The following TMEM265 variants were observed in gnomAD, a reference collection of about 807,000 sequenced individuals.
The protein encoded by TMEM265 is transmembrane protein 265.
In TMEM265, 8 loss-of-function variants were observed where a neutral mutation model predicts 9.5. The observed-to-expected ratio is 0.84, with a 90% CI of 0.49 to 1.52. The LOEUF (loss-of-function observed/expected upper bound fraction) is 1.52. TMEM265 is among the 40% of genes most tolerant of loss of function. TMEM265 has a pLI of 0.00. For missense variants in TMEM265, 152 were observed against 146.2 expected, an observed-to-expected ratio of 1.04 and a Z score of -0.21; for synonymous variants, 53 against 56.9, an observed-to-expected ratio of 0.93 and a Z score of 0.31.
intron 2 of TMEM265, 151 bp from the exon 3 acceptor site, chr16:30,743,631 G>C: frequency 2.0e-6 from 2 of 1,002,882 alleles, no homozygotes; most frequent in South Asian, 3.5e-5. Flanking sequence ...TTATTTTGCA[G>C]ATGAGAGGTT....
intron 2 of TMEM265, among the ~76,000 whole-genome samples, chr16:30,743,379 C>CA (rs1026958310): frequency 2.0e-5 from 3 of 147,702 alleles, no homozygotes; most frequent in Non-Finnish European, 3.0e-5. Context: ...GAAACTGTCT[C>CA]AAAAAAAGAA....
At chr16:30,743,309 C>T (rs2053236271) in intron 2 of TMEM265, among the ~76,000 whole-genome samples, 1 of 151,720 alleles carries the variant, frequency 6.6e-6, no homozygotes, top group Non-Finnish European at 1.5e-5. Flanking sequence ...TTGCTTGAAC[C>T]TGGGAGGAGG....
At position 30,744,010 on chromosome 16, in the gene TMEM265, T is replaced by G. The variant is rs2053241513; in HGVS notation, c.*67T>G. The stretch of plus-strand genomic sequence containing the variant: ...ATCCTGCAATGCGGCATTGCTAAGG[T>G]CCTGTGACAGCAGTGGTTGGAAGGA... On this transcript the variant is annotated 3_prime_UTR_variant, in exon 3 of 3. Coordinates refer to ENST00000615541, the MANE Select transcript of TMEM265 (RefSeq NM_001256829.2). 5 of 1,470,742 alleles carry G rather than the reference T, an allele frequency of 3.4e-6. No homozygotes were observed. The highest frequency in any genetic ancestry group is 4.5e-6 in the Non-Finnish European group (5 of 1,107,330). 91.1% of individuals were successfully genotyped at this position (1,470,742 alleles called of 1,614,324 possible).
rs1482583558 is a variant in TMEM265, at chr16:30,741,807, C to T, written c.64C>T (p.Pro22Ser). The T allele has an allele frequency of 2.6e-6, 4 of 1,533,926 alleles. No homozygotes were observed. Among genetic ancestry groups the T allele is most frequent in the Non-Finnish European group, 3.5e-6 (4 of 1,146,726 alleles). Residue 22 changes from proline (P) to serine (S), a missense_variant, in exon 2 of 3, where the codon CCC becomes TCC. Physicochemically the swap from Pro to Ser is moderately conservative, Grantham distance 74. Coordinates refer to ENST00000615541, the MANE Select transcript of TMEM265 (RefSeq NM_001256829.2). ...CACGGAAGCTGCTCATCCTCCATCC[C>T]CCATCCGCTGCTGCTGGCTCCGCCT... The part of the protein sequence containing the change: ...GNTEAAHPPS[P>S]IRCCWLRLRC...
At position 30,744,182 on chromosome 16, in the gene TMEM265, C is replaced by T; in HGVS notation, c.*239C>T. On this transcript the variant is annotated 3_prime_UTR_variant, in exon 3 of 3. Transcript: ENST00000615541. ...GCCCCCCACCCCCATCTCCCCTACC[C>T]TAGCCCACCCTAGGGCCTCTACCCA... 1 of 425,514 alleles carries T rather than the reference C, an allele frequency of 2.4e-6. No homozygotes were observed. Among genetic ancestry groups the T allele is most frequent in the Non-Finnish European group, 4.1e-6 (1 of 241,530 alleles). 26.4% of individuals were successfully genotyped at this position (425,514 alleles called of 1,614,324 possible). A position where few individuals can be genotyped will look rare whatever the true frequency, so the allele number is the denominator to read the frequency against.
intron 2 of TMEM265, 63 bp from the exon 3 acceptor site, chr16:30,743,718 TG>T: frequency 7.0e-7 from 1 of 1,432,100 alleles, no homozygotes; most frequent in Non-Finnish European, 9.2e-7. Context: ...GGGAGCGGAG[TG>T]GGGAAATGGG....
intron 2 of TMEM265, among the ~76,000 whole-genome samples, chr16:30,742,916 C>T (rs1204815761): frequency 9.2e-6 from 1 of 108,796 alleles, no homozygotes; most frequent in Non-Finnish European, 1.9e-5. Context: ...CAAAGCAAGA[C>T]TCTGTCTCAA....
rs1254963664 is a variant in TMEM265, at chr16:30,744,792, G to C, written c.*849G>C. On this transcript the variant is annotated 3_prime_UTR_variant, in exon 3 of 3. Coordinates refer to ENST00000615541, the MANE Select transcript of TMEM265 (RefSeq NM_001256829.2). ...AGACAGTTTGGTTCCAGAGCTGAGA[G>C]AGGAGTGAAAGAGTTGGGTAACAGC... The C allele has an allele frequency of 6.6e-6, 1 of 152,232 alleles. No individual in the cohort carries two copies. The highest frequency in any genetic ancestry group is 1.5e-5 in the Non-Finnish European group (1 of 68,040). 9.4% of individuals were successfully genotyped at this position (152,232 alleles called of 1,614,324 possible).
At chr16:30,741,997 T>C (rs1162368456) in intron 2 of TMEM265, 89 bp downstream of exon 2, 2 of 1,303,132 alleles carry the variant, frequency 1.5e-6, no homozygotes, top group African/African-American at 1.5e-5. Flanking sequence ...AGTCACTGAA[T>C]ACCTATCAGT....
chr16:30,742,941 A>C (rs866976772), intron 2 of TMEM265, among the ~76,000 whole-genome samples: 1 of 143,162 alleles, frequency 7.0e-6, no homozygotes, highest in Non-Finnish European at 1.5e-5. Flanking sequence ...AAAAAAAAAC[A>C]AAAAAAAACA....
chr16:30,743,699 C>CAGGGAAGGGGGAGCGGAGT, intron 2 of TMEM265, 83 bp from the exon 3 acceptor site: 1 of 1,409,182 alleles, frequency 7.1e-7, no homozygotes. Flanking sequence ...TGATCCGTGA[C>CAGGGAAGGGGGAGCGGAGT]AGGGAAGGGG....
chr16:30,743,154 A>T (rs2053235514), intron 2 of TMEM265, among the ~76,000 whole-genome samples: 1 of 152,142 alleles, frequency 6.6e-6, no homozygotes, highest in Admixed American at 6.5e-5. Flanking sequence ...TGGGAGGCCG[A>T]GGTGGGCAGA....
intron 2 of TMEM265, 91 bp downstream of exon 2, chr16:30,741,999 C>T: frequency 7.8e-7 from 1 of 1,282,700 alleles, no homozygotes; most frequent in Non-Finnish European, 1.1e-6. Flanking sequence ...TCACTGAATA[C>T]CTATCAGTGC....
chr16:30,743,649 G>A, intron 2 of TMEM265, 133 bp from the exon 3 acceptor site: 1 of 1,155,016 alleles, frequency 8.7e-7, no homozygotes, highest in Admixed American at 2.9e-5. Flanking sequence ...GTTAGAATCA[G>A]AAACTGGAAA....
rs2053248731 is a variant in TMEM265, at chr16:30,745,082, A to G, written c.*1139A>G. Reference sequence around the variant, plus strand: ...GCTACTTCCTTTCTTCCCACAGGTAACCACCATTCTGACTTCTAGCAGTGT... The same window carrying G: ...GCTACTTCCTTTCTTCCCACAGGTAGCCACCATTCTGACTTCTAGCAGTGT... On this transcript the variant is annotated 3_prime_UTR_variant, in exon 3 of 3. Coordinates refer to ENST00000615541, the MANE Select transcript of TMEM265 (RefSeq NM_001256829.2). The G allele has an allele frequency of 7.2e-5, 11 of 152,172 alleles. No homozygotes were observed. The South Asian group carries it at 2.3e-3, about 32-fold the overall frequency. The allele number at this position is 152,172 out of a possible 1,614,324, so 9.4% of individuals were successfully genotyped here.
chr16:30,741,931 G>A lies in TMEM265; in HGVS notation c.165+23G>A, dbSNP rs745417340. On this transcript the variant is annotated intron_variant, in intron 2 of 2. Coordinates refer to ENST00000615541, the MANE Select transcript of TMEM265 (RefSeq NM_001256829.2). ...AAGGTGAGGAGTGCAATTCCCATGG[G>A]AATGGGGGTGGGTATAAGGCAATGG... The A allele has an allele frequency of 3.3e-6, 5 of 1,531,354 alleles. No individual in the cohort carries two copies. The Admixed American group carries it at 9.8e-5, about 30-fold the overall frequency. 94.9% of individuals were successfully genotyped at this position (1,531,354 alleles called of 1,614,324 possible).
intron 1 of TMEM265, 153 bp downstream of exon 1, chr16:30,740,860 T>G (rs2053217287): frequency 6.6e-6 from 1 of 152,324 alleles, no homozygotes. Flanking sequence ...TCTCTACTTG[T>G]CTCGCCCCTT....
Position 30,744,042 on chromosome 16 carries a change from T to C in TMEM265, c.*99T>C, listed in dbSNP as rs1039919540. The C allele has an allele frequency of 4.4e-6, 6 of 1,365,314 alleles. No homozygotes were observed. The highest frequency in any genetic ancestry group is 2.5e-5 in the Admixed American group (1 of 40,768). 84.6% of individuals were successfully genotyped at this position (1,365,314 alleles called of 1,614,324 possible). A position where few individuals can be genotyped will look rare whatever the true frequency, so the allele number is the denominator to read the frequency against. ...ACAGCAGTGGTTGGAAGGATCCTGG[T>C]TGGAAGGATGGGGACTCTCTCAAGG... On this transcript the variant is annotated 3_prime_UTR_variant, in exon 3 of 3. Transcript: ENST00000615541.
chr16:30,743,419 T>C (rs950997416), intron 2 of TMEM265, among the ~76,000 whole-genome samples: 1 of 152,056 alleles, frequency 6.6e-6, no homozygotes, highest in African/African-American at 2.4e-5. Flanking sequence ...TGAGGCCCAT[T>C]GGGCTATGAG....
Sources: gnomAD v4.1 joint callset for allele counts (sites outside exome capture counted in the v4.1 genomes callset) on GRCh38, gnomAD v4.1.1 for gene constraint, MANE v1.5 for transcripts, NCBI Gene and HGNC (gene_info 2026-07-23, HGNC 2026-07-21) for gene names.